SNX7: variants seen among roughly 807,000 people sequenced by gnomAD.
SNX7 encodes the protein sorting nexin 7, also known as sorting nexin-7.
SNX7 carries 35 observed loss-of-function variants against 48.4 expected under a neutral mutation model. That is an observed-to-expected ratio of 0.72 (90% confidence interval 0.55 to 0.96). The LOEUF (loss-of-function observed/expected upper bound fraction) is 0.96, where lower values mean the gene tolerates loss of function less well. SNX7 is among the 40% of genes least tolerant of loss of function. The pLI is 0.00. For missense variants in SNX7, 553 were observed against 548.9 expected (o/e 1.01, Z -0.07); for synonymous variants, 190 against 190.2 (o/e 1.00, Z 0.01).
intron 1 of SNX7, among the ~76,000 whole-genome samples, chr1:98,684,669 A>G (rs569137351): frequency 5.3e-4 from 81 of 152,288 alleles, no homozygotes; most frequent in African/African-American, 1.9e-3. Context: ...TTGAGGGTTT[A>G]TACTTTTCAT....
rs993757482 is a variant in SNX7 at position 98,690,893 on chromosome 1, T to C, written c.364-182T>C. Among the ~76,000 whole-genome samples, 19 of 152,194 alleles carry C rather than the reference T, an allele frequency of 1.2e-4. 1 individual carries two copies. The highest frequency in any genetic ancestry group is 3.4e-3 in the Middle Eastern group (1 of 294). ...TGGAAATACCAGAAAGTTTGCTTTATTTCATCTGCTACATGAATAGATGAC... is the reference window on the plus strand; with the variant it reads ...TGGAAATACCAGAAAGTTTGCTTTACTTCATCTGCTACATGAATAGATGAC... On this transcript the variant is annotated intron_variant, in intron 2 of 8. Transcript: ENST00000306121.
At chr1:98,737,209 A>G (rs1422020317) in intron 7 of SNX7, among the ~76,000 whole-genome samples, 2 of 151,774 alleles carry the variant, frequency 1.3e-5, no homozygotes, top group East Asian at 1.9e-4. Context: ...TGAGAGTCCC[A>G]TGGTTCATTC....
intron 7 of SNX7, among the ~76,000 whole-genome samples, chr1:98,704,667 C>T (rs541391884): frequency 1.3e-5 from 2 of 152,244 alleles, no homozygotes; most frequent in East Asian, 1.9e-4. Flanking sequence ...CATGGCGACC[C>T]TGGCAGAGAA....
intron 7 of SNX7, among the ~76,000 whole-genome samples, chr1:98,726,940 GTGGCTCA>G (rs1483823200): frequency 2.0e-5 from 3 of 152,196 alleles, no homozygotes; most frequent in Non-Finnish European, 4.4e-5. Flanking sequence ...GCCGGGTGCA[GTGGCTCA>G]TGCCTGTAAT....
At chr1:98,743,109 C>G (rs1654152938) in intron 8 of SNX7, among the ~76,000 whole-genome samples, 1 of 151,588 alleles carries the variant, frequency 6.6e-6, no homozygotes, top group Non-Finnish European at 1.5e-5. Context: ...ATGATTACTG[C>G]ATTTCTTATT....
chr1:98,749,598 C>G (rs1052521096), intron 8 of SNX7, among the ~76,000 whole-genome samples: 12 of 151,980 alleles, frequency 7.9e-5, no homozygotes, highest in African/African-American at 2.9e-4. Flanking sequence ...TGAGCTATTG[C>G]AAAATAATAG....
intron 7 of SNX7, among the ~76,000 whole-genome samples, chr1:98,705,185 T>C (rs1651949776): frequency 6.6e-6 from 1 of 152,188 alleles, no homozygotes; most frequent in African/African-American, 2.4e-5. Flanking sequence ...TCTTAGAGTT[T>C]GTGGTTTGTA....
At position 98,726,783 on chromosome 1, in the gene SNX7, G is replaced by T. The variant is rs76815952; in HGVS notation, c.1126-11454G>T. 2.5e-3 allele frequency among the ~76,000 whole-genome samples: 385 copies of T among 152,294 alleles called. 3 individuals carry two copies. The highest frequency in any genetic ancestry group is 8.8e-3 in the African/African-American group (365 of 41,548). ...CTGTTAAGGTAGAATGCCAGGGAAT[G>T]CCCAGTGCAATGTGAATCTTAAGTC... is the stretch of plus-strand genomic sequence containing the variant. On this transcript the variant is annotated intron_variant, in intron 7 of 8. Transcript: ENST00000306121.
intron 7 of SNX7, among the ~76,000 whole-genome samples, chr1:98,730,181 C>T (rs553925401): frequency 3.0e-4 from 46 of 152,184 alleles, no homozygotes; most frequent in African/African-American, 1.1e-3. Context: ...TCAATAGATG[C>T]AGAAAAGGCC....
At chr1:98,668,383 G>A (rs1649659161) in intron 1 of SNX7, among the ~76,000 whole-genome samples, 2 of 152,150 alleles carry the variant, frequency 1.3e-5, no homozygotes, top group African/African-American at 4.8e-5. Flanking sequence ...TTTAAAAGGA[G>A]AATTAACAGT....
At chr1:98,672,305 C>T (rs1649914349) in intron 1 of SNX7, among the ~76,000 whole-genome samples, 1 of 151,672 alleles carries the variant, frequency 6.6e-6, no homozygotes, top group Non-Finnish European at 1.5e-5. Context: ...ACATGCCACT[C>T]CTGTGACAGA....
At chr1:98,724,661 A>G (rs1057098233) in intron 7 of SNX7, among the ~76,000 whole-genome samples, 5 of 152,152 alleles carry the variant, frequency 3.3e-5, no homozygotes, top group Admixed American at 2.6e-4. Flanking sequence ...AAAATCAGGG[A>G]TAAGTGATGG....
At chr1:98,695,497 T>C in intron 4 of SNX7, 21 bp from the exon 5 acceptor site, 1 of 1,606,614 alleles carries the variant, frequency 6.2e-7, no homozygotes, top group Non-Finnish European at 8.5e-7. Flanking sequence ...TCACTAGAAA[T>C]ACTTGGTTTT....
chr1:98,676,198 T>C (rs1410263989), intron 1 of SNX7, among the ~76,000 whole-genome samples: 2 of 152,118 alleles, frequency 1.3e-5, no homozygotes, highest in Admixed American at 6.5e-5. Flanking sequence ...ATTTTGCCAT[T>C]TTTTTCTGAA....
intron 8 of SNX7, among the ~76,000 whole-genome samples, chr1:98,756,422 G>GTTTT (rs35117249): frequency 0.28 from 15,191 of 53,916 alleles, 2,719 homozygotes; most frequent in Non-Finnish European, 0.36. Context: ...TGCCAGATGA[G>GTTTT]TTTTTTTTTT....
intron 7 of SNX7, among the ~76,000 whole-genome samples, chr1:98,727,310 C>A (rs1653230814): frequency 6.6e-6 from 1 of 152,142 alleles, no homozygotes; most frequent in Non-Finnish European, 1.5e-5. Flanking sequence ...AAAAGAAAAA[C>A]AAACAGCAGC....
intron 7 of SNX7, among the ~76,000 whole-genome samples, chr1:98,714,068 A>G (rs1479023288): frequency 6.6e-6 from 1 of 152,330 alleles, no homozygotes; most frequent in East Asian, 1.9e-4. Context: ...AAAGCACAGT[A>G]CAATAAAATG....
At position 98,691,617 on chromosome 1, in the gene SNX7, A is replaced by G. The variant is rs367723583; in HGVS notation, c.557A>G (p.His186Arg). Reference sequence around the variant, plus strand: ...ATTGAGACACGCAGGAAGGCTTTACATAAATTTTTGAACCGAATTGCTGAT... The same window carrying G: ...ATTGAGACACGCAGGAAGGCTTTACGTAAATTTTTGAACCGAATTGCTGAT... ...DFIETRRKAL[H>R]KFLNRIADHP... The change falls in exon 4 of 9, where the codon CAT (histidine) becomes CGT (arginine). Residue 186 changes from histidine (H) to arginine (R), a missense_variant. Physicochemically the swap from His to Arg is conservative, Grantham distance 29. Transcript: ENST00000306121. 6.8e-6 allele frequency: 11 copies of G among 1,612,482 alleles called. No individual in the cohort carries two copies. The highest frequency in any genetic ancestry group is 2.2e-5 in the South Asian group (2 of 90,948).
At chr1:98,703,842 C>T (rs910848774) in intron 7 of SNX7, among the ~76,000 whole-genome samples, 2 of 151,730 alleles carry the variant, frequency 1.3e-5, no homozygotes, top group African/African-American at 2.4e-5. Context: ...GTAAGGATAT[C>T]GAAGTTAGTG....
Sources: allele counts gnomAD v4.1 joint callset (sites outside exome capture counted in the v4.1 genomes callset), GRCh38; gene constraint gnomAD v4.1.1; transcripts MANE v1.5; gene names NCBI Gene and HGNC (gene_info 2026-07-23, HGNC 2026-07-21).